The following CHTF18 variants were observed in gnomAD, a reference collection of about 807,000 sequenced individuals.
The protein encoded by CHTF18 is chromosome transmission fidelity factor 18, also known as chromosome transmission fidelity protein 18 homolog.
A neutral mutation model predicts 113.4 loss-of-function variants in CHTF18; 151 were observed. That is an observed-to-expected ratio of 1.33 (90% CI 1.17 to 1.52). CHTF18 has a LOEUF of 1.52. CHTF18 is among the 40% of genes most tolerant of loss of function. The pLI is 0.00. For missense variants in CHTF18, 1,982 were observed against 1,381.6 expected (o/e 1.43, Z -6.89); for synonymous variants, 916 against 598.8 (o/e 1.53, Z -7.74).
intron 8 of CHTF18, 25 bp downstream of exon 8, chr16:791,395 G>T: frequency 6.3e-7 from 1 of 1,576,736 alleles, no homozygotes; most frequent in Non-Finnish European, 8.6e-7. Context: ...CTGTGCCGCC[G>T]GGAACAAGCC....
In CHTF18 at chr16:790,217, T is replaced by C; in HGVS notation, c.647T>C (p.Leu216Pro). 1 of 1,605,736 alleles carries C rather than the reference T, an allele frequency of 6.2e-7. No homozygotes were observed. Among genetic ancestry groups the C allele is most frequent in the South Asian group, 1.1e-5 (1 of 89,620 alleles). The change falls in exon 5 of 22, where the codon CTG becomes CCG. Residue 216 changes from leucine to proline, a missense_variant. Leu to Pro is a moderately conservative substitution (Grantham distance 98). Coordinates refer to ENST00000262315, the MANE Select transcript of CHTF18 (RefSeq NM_022092.3). The part of the protein sequence containing the change: ...LHVPWRGGGQ[L>P]DLLGVSLASL... The stretch of plus-strand genomic sequence containing the variant: ...GTCCCATGGCGAGGCGGTGGCCAGC[T>C]GGACCTGCTGGGTGTGTCCTTAGCC...
intron 15 of CHTF18, 34 bp from the exon 16 acceptor site, chr16:795,098 G>A (rs778258004): frequency 2.0e-6 from 3 of 1,491,976 alleles, no homozygotes; most frequent in Non-Finnish European, 2.7e-6. Context: ...TCCCTGGGGT[G>A]GGCAGGAGCT....
chr16:794,298 C>T (rs1455883199), intron 15 of CHTF18, 97 bp downstream of exon 15: 45 of 1,409,608 alleles, frequency 3.2e-5, no homozygotes, highest in South Asian at 1.6e-4. Flanking sequence ...GACGGGGAGG[C>T]GCTTTGGGGG....
rs778208628 is a variant in CHTF18 at position 792,725 on chromosome 16, C to G, written c.1486C>G (p.Pro496Ala). 3.2e-6 allele frequency: 5 copies of G among 1,561,402 alleles called. No homozygotes were observed. The South Asian group carries it at 5.8e-5, about 18-fold the overall frequency. The change falls in exon 12 of 22, where the codon CCG becomes GCG. Residue 496 changes from proline to alanine, a missense_variant. Coordinates refer to ENST00000262315, the MANE Select transcript of CHTF18 (RefSeq NM_022092.3). ...IICICNDQFA[P>A]SLRQLKQQAF... ...CCTGCCGCCTCTCCTCAGGTTCGCA[C>G]CGTCCCTGCGGCAGCTGAAGCAGCA...
In CHTF18 at chr16:794,072, C is replaced by G. The variant is rs768812247; in HGVS notation, c.1821C>G (p.Asp607Glu). Residue 607 changes from aspartate (D) to glutamate (E), a missense_variant, in exon 15 of 22, where the codon GAC (aspartate) becomes GAG (glutamate). Asp to Glu is a conservative substitution (Grantham distance 45). Transcript: ENST00000262315. ...CCTGCAGGCGCCGTGTGGGCCAGGA[C>G]CCCGCCCTGCCTGCTGACACACTCC... ...PRAQRRRVGQ[D>E]PALPADTLLL... The G allele has an allele frequency of 4.3e-6, 7 of 1,611,386 alleles. No individual in the cohort carries two copies. Among genetic ancestry groups the G allele is most frequent in the African/African-American group, 2.7e-5 (2 of 74,864 alleles).
At position 789,283 on chromosome 16, in the gene CHTF18, G is replaced by A. The variant is rs1303135825; in HGVS notation, c.360G>A (p.Pro120=). ...TCAGATCGGAGGAGATGGAGGAGCC[G>A]CCCCCTCCCGACTCCTCGCCGACGG... ...LNFRSEEMEE[P]PPPDSSPTDI... The change falls in exon 3 of 22, where the codon CCG becomes CCA. Residue 120 remains proline, a synonymous_variant. Transcript: ENST00000262315. The A allele has an allele frequency of 2.5e-6, 4 of 1,581,560 alleles. No individual in the cohort carries two copies. The highest frequency in any genetic ancestry group is 3.4e-6 in the Non-Finnish European group (4 of 1,165,464).
At chr16:788,813 A>G (rs1406748860) in intron 1 of CHTF18, 38 bp downstream of exon 1, 1 of 1,569,030 alleles carries the variant, frequency 6.4e-7, no homozygotes, top group Non-Finnish European at 8.6e-7. Context: ...AGGAGCTGCG[A>G]AAGCCGGGAC....
intron 14 of CHTF18, chr16:793,735 G>T: frequency 1.5e-6 from 1 of 656,620 alleles, no homozygotes; most frequent in Admixed American, 2.1e-5. Context: ...CAGGATATGG[G>T]AGACGCTGGC....
At chr16:789,879 G>A (rs1000261081) in intron 4 of CHTF18, 164 bp downstream of exon 4, 64 of 1,344,072 alleles carry the variant, frequency 4.8e-5, no homozygotes, top group Middle Eastern at 3.6e-4. Context: ...AGAGGACACA[G>A]CCTCCCCACA....
Position 788,693 on chromosome 16 carries a change from C to G in CHTF18, c.9C>G (p.Asp3Glu). The change falls in exon 1 of 22, where the codon GAC (aspartate) becomes GAG (glutamate). Residue 3 changes from aspartate (D) to glutamate (E), a missense_variant. Asp to Glu is a conservative substitution (Grantham distance 45). Transcript: ENST00000262315. ...TCGGGCTCGCGGACGGTATGGAGGA[C>G]TACGAGCAGGAGCTGTGCGGCGTCG... ME[D>E]YEQELCGVED... The G allele has an allele frequency of 1.3e-6, 2 of 1,593,932 alleles. No homozygotes were observed. Among genetic ancestry groups the G allele is most frequent in the Non-Finnish European group, 1.7e-6 (2 of 1,172,204 alleles).
Position 793,177 on chromosome 16 carries a change from G to C in CHTF18, c.1705G>C (p.Val569Leu), listed in dbSNP as rs769958874. Reference sequence around the variant, plus strand: ...CAGCCGGGGCCAGCGGGAGCTGAGCGTGCGGGACGTGCAGGCCACACGCGT... The same window carrying C: ...CAGCCGGGGCCAGCGGGAGCTGAGCCTGCGGGACGTGCAGGCCACACGCGT... The part of the protein sequence containing the change: ...LYSRGQRELS[V>L]RDVQATRVGL... The change falls in exon 14 of 22, where the codon GTG becomes CTG. Residue 569 changes from valine (V) to leucine (L), a missense_variant. Transcript: ENST00000262315. The C allele has an allele frequency of 1.6e-5, 26 of 1,607,092 alleles. 2 individuals are homozygous for C. The South Asian group carries it at 2.8e-4, about 17-fold the overall frequency.
chr16:791,815 C>G, intron 8 of CHTF18, 36 bp from the exon 9 acceptor site: 1 of 1,568,520 alleles, frequency 6.4e-7, no homozygotes, highest in Non-Finnish European at 8.6e-7. Flanking sequence ...CCTGTAGGTG[C>G]GGTGCACACT....
In CHTF18 at chr16:788,645, C is replaced by A; in HGVS notation, c.-40C>A. ...GGGCAGTGCGCGACGGCGGCGGCGG[C>A]GCGGGAGGTTCGGAGCGGGAGCTCG... On this transcript the variant is annotated 5_prime_UTR_variant, in exon 1 of 22. Transcript: ENST00000262315. 1 of 1,446,312 alleles carries A rather than the reference C, an allele frequency of 6.9e-7. No individual in the cohort carries two copies. Among genetic ancestry groups the A allele is most frequent in the African/African-American group, 1.5e-5 (1 of 67,876 alleles). 89.6% of individuals were successfully genotyped at this position (1,446,312 alleles called of 1,614,324 possible).
intron 14 of CHTF18, 115 bp downstream of exon 14, chr16:793,389 G>C (rs552406145): frequency 1.5e-6 from 2 of 1,368,874 alleles, no homozygotes; most frequent in South Asian, 1.4e-5. Flanking sequence ...TCCTGAGCCC[G>C]CGGTTGCCTG....
intron 8 of CHTF18, 112 bp from the exon 9 acceptor site, chr16:791,738 TG>T: frequency 1.4e-6 from 2 of 1,456,542 alleles, no homozygotes; most frequent in Non-Finnish European, 1.8e-6. Flanking sequence ...ATGGCTGGAG[TG>T]GGGTGGAGGG....
Position 791,500 on chromosome 16 carries a change from C to T in CHTF18, c.1104+130C>T, listed in dbSNP as rs572396867. The stretch of plus-strand genomic sequence containing the variant: ...ACGTGTGGGTCTTGGCGTGAAGCGC[C>T]ATTAGCGTGAGTTAGAACTGGAGCG... On this transcript the variant is annotated intron_variant, in intron 8 of 21. Coordinates refer to ENST00000262315, the MANE Select transcript of CHTF18 (RefSeq NM_022092.3). The T allele has an allele frequency of 3.0e-5, 44 of 1,444,172 alleles. No individual in the cohort carries two copies. The Middle Eastern group carries it at 1.0e-3, about 34-fold the overall frequency. 89.5% of individuals were successfully genotyped at this position (1,444,172 alleles called of 1,614,324 possible). A position where few individuals can be genotyped will look rare whatever the true frequency, so the allele number is the denominator to read the frequency against.
Position 790,161 on chromosome 16 carries a change from C to A in CHTF18, c.607-16C>A. 6.3e-7 allele frequency: 1 copy of A among 1,580,674 alleles called. No homozygotes were observed. Among genetic ancestry groups the A allele is most frequent in the Non-Finnish European group, 8.6e-7 (1 of 1,164,756 alleles). On this transcript the variant is annotated splice_polypyrimidine_tract_variant and intron_variant, in intron 4 of 21. Coordinates refer to ENST00000262315, the MANE Select transcript of CHTF18 (RefSeq NM_022092.3). Reference sequence around the variant, plus strand: ...CTAGGAGGGGCCCAGAGGCAATTGTCCTCCCTTCCCCACAGGGCTCTCTCC... The same window carrying A: ...CTAGGAGGGGCCCAGAGGCAATTGTACTCCCTTCCCCACAGGGCTCTCTCC...
Position 796,022 on chromosome 16 carries a change from C to G in CHTF18, c.2401C>G (p.Leu801Val), listed in dbSNP as rs201606920. ...GGTGGGCACGATGCTCGCTTACAGC[C>G]TGACCTACCGCCAGGAGCGCACGCC... ...SLVGTMLAYSLTYRQERTPDG... is the reference protein window; with the variant it reads ...SLVGTMLAYSVTYRQERTPDG... Residue 801 changes from leucine (L) to valine (V), a missense_variant, in exon 18 of 22, where the codon CTG (leucine) becomes GTG (valine). Coordinates refer to ENST00000262315, the MANE Select transcript of CHTF18 (RefSeq NM_022092.3). 3 of 1,606,720 alleles carry G rather than the reference C, an allele frequency of 1.9e-6. No homozygotes were observed. Among genetic ancestry groups the G allele is most frequent in the Non-Finnish European group, 2.5e-6 (3 of 1,177,392 alleles).
intron 18 of CHTF18, chr16:796,516 A>G: frequency 1.6e-6 from 1 of 619,768 alleles, no homozygotes; most frequent in Non-Finnish European, 2.7e-6. Flanking sequence ...CATCCCACGT[A>G]CACTTGCAGT....
Sources: gnomAD v4.1 joint callset for allele counts on GRCh38, gnomAD v4.1.1 for gene constraint, MANE v1.5 for transcripts, NCBI Gene and HGNC (gene_info 2026-07-23, HGNC 2026-07-21) for gene names.